Variants in AXIN1 observed in about 807,000 individuals in gnomAD.
The protein encoded by AXIN1 is axin-1.
A neutral mutation model predicts 76.4 loss-of-function variants in AXIN1; 30 were observed. The ratio of observed to expected loss-of-function variants is 0.39; its 90% confidence interval spans 0.29 to 0.53. The LOEUF is 0.53. Among genes scored for constraint, AXIN1 ranks in the 20% least tolerant of loss-of-function variants. AXIN1 has a pLI of 0.66. For synonymous variants in AXIN1, 545 were observed against 501.4 expected (o/e 1.09, Z -1.16); for missense variants, 1,140 against 1,198.8 (o/e 0.95, Z 0.72).
rs1434474086 is a variant in AXIN1, at chr16:346,247, T to C, written c.779A>G (p.Asp260Gly). 6.2e-7 allele frequency: 1 copy of C among 1,614,154 alleles called. No individual in the cohort carries two copies. Among genetic ancestry groups the C allele is most frequent in the East Asian group, 2.2e-5 (1 of 44,870 alleles). Residue 260 changes from aspartate (D) to glycine (G), a missense_variant, in exon 2 of 11, where the codon GAC becomes GGC. By Grantham distance (94) the Asp-to-Gly change is moderately conservative. Coordinates refer to ENST00000262320, the MANE Select transcript of AXIN1 (RefSeq NM_003502.4). ...AGGGAGTCTTCCGGGGGGAGCAGCG[T>C]CTCTGCCATCGTCCTCATCCATGTC... is the stretch of plus-strand genomic sequence containing the variant. Reference protein sequence around the residue: ...DQDMDEDDGRDAAPPGRLPQK... With the variant: ...DQDMDEDDGRGAAPPGRLPQK...
intron 4 of AXIN1, among the ~76,000 whole-genome samples, chr16:304,648 C>T (rs553224166): frequency 6.6e-6 from 1 of 152,286 alleles, no homozygotes; most frequent in African/African-American, 2.4e-5. Context: ...GATTCTCCTG[C>T]CTCGGTCTCC....
At chr16:310,872 C>A (rs1471042408) in intron 3 of AXIN1, among the ~76,000 whole-genome samples, 3 of 152,176 alleles carry the variant, frequency 2.0e-5, no homozygotes, top group Non-Finnish European at 4.4e-5. Flanking sequence ...GCTAAATGGA[C>A]CAAAAACATT....
At chr16:341,008 T>G (rs569927107) in intron 2 of AXIN1, among the ~76,000 whole-genome samples, 22 of 152,322 alleles carry the variant, frequency 1.4e-4, no homozygotes, top group African/African-American at 5.1e-4. Flanking sequence ...GCAGGCAAAG[T>G]AGCCTCCAGG....
chr16:293,126 C>A lies in AXIN1; in HGVS notation c.2186+362G>T, dbSNP rs2052614371. 2.8e-6 allele frequency: 1 copy of A among 360,896 alleles called. No individual in the cohort carries two copies. Among genetic ancestry groups the A allele is most frequent in the East Asian group, 5.2e-5 (1 of 19,296 alleles). The allele number at this position is 360,896 out of a possible 1,614,324, so 22.4% of individuals were successfully genotyped here. A position where few individuals can be genotyped will look rare whatever the true frequency, so the allele number is the denominator to read the frequency against. ...AGCCGCCATGCCTCCAGGACCTCTGCCCTAAAGCCCAGGCTGCCCAGCAGC... is the reference window on the plus strand; with the variant it reads ...AGCCGCCATGCCTCCAGGACCTCTGACCTAAAGCCCAGGCTGCCCAGCAGC... On this transcript the variant is annotated intron_variant, in intron 8 of 10. Coordinates refer to ENST00000262320, the MANE Select transcript of AXIN1 (RefSeq NM_003502.4). This position sits in a 1 kb window ranked among gnomAD's most constrained non-coding sequence, Gnocchi z 4.6.
rs994966382 is a variant in AXIN1 at position 338,697 on chromosome 16, C to T, written c.878+7451G>A. 5.3e-5 allele frequency among the ~76,000 whole-genome samples: 8 copies of T among 152,150 alleles called. 1 individual carries two copies. The highest frequency in any genetic ancestry group is 1.7e-4 in the African/African-American group (7 of 41,418). Reference sequence around the variant, plus strand: ...CAGCACTTTGGGAGGCCAAGGTGGGCGGACCACTTAAGGTCAAGATTTCGA... The same window carrying T: ...CAGCACTTTGGGAGGCCAAGGTGGGTGGACCACTTAAGGTCAAGATTTCGA... On this transcript the variant is annotated intron_variant, in intron 2 of 10. Transcript: ENST00000262320.
chr16:293,713 G>A lies in AXIN1; in HGVS notation c.1961C>T (p.Ser654Leu), dbSNP rs377025983. The A allele has an allele frequency of 2.4e-5, 39 of 1,613,068 alleles. No homozygotes were observed. The highest frequency in any genetic ancestry group is 3.0e-5 in the Non-Finnish European group (35 of 1,179,822). The change falls in exon 8 of 11, where the codon TCG (serine) becomes TTG (leucine). Residue 654 changes from serine (S) to leucine (L), a missense_variant. Coordinates refer to ENST00000262320, the MANE Select transcript of AXIN1 (RefSeq NM_003502.4). The surrounding 1 kb of genome is among the most constrained non-coding windows in gnomAD (Gnocchi z 4.6). ...ATGGGGCTGTGGCTTCCTCGTCCCC[G>A]AAGACCTTGGGGAACAAGAGAACAA... ...SRHRRTGHGS[S>L]GTRKPQPHEN...
chr16:289,761 G>A (rs1160038348), intron 9 of AXIN1, 154 bp from the exon 10 acceptor site: 3 of 896,380 alleles, frequency 3.3e-6, no homozygotes, highest in Admixed American at 4.5e-5. Context: ...CCCCCGCACA[G>A]CATCTCAATC....
At chr16:318,408 G>C (rs887095192) in intron 2 of AXIN1, among the ~76,000 whole-genome samples, 2 of 152,138 alleles carry the variant, frequency 1.3e-5, no homozygotes, top group African/African-American at 4.8e-5. Context: ...GAAAAGAAAA[G>C]GAAGAAGGGC....
chr16:298,988 C>G (rs1405513990), intron 5 of AXIN1: 2 of 767,558 alleles, frequency 2.6e-6, no homozygotes, highest in African/African-American at 3.8e-5. Flanking sequence ...AGGCTGGTCT[C>G]GAACTCCTGA....
At chr16:348,765 C>T (rs948659818) in intron 1 of AXIN1, among the ~76,000 whole-genome samples, 1 of 152,072 alleles carries the variant, frequency 6.6e-6, no homozygotes, top group African/African-American at 2.4e-5. Flanking sequence ...TCGCACCCCA[C>T]TGCACTCCAG....
At chr16:299,716 C>T (rs2052817019) in intron 5 of AXIN1, among the ~76,000 whole-genome samples, 2 of 151,696 alleles carry the variant, frequency 1.3e-5, no homozygotes, top group African/African-American at 2.4e-5. Flanking sequence ...AGTGCAGTGG[C>T]ACGATCTCGG....
rs570019977 is a variant in AXIN1 at position 288,320 on chromosome 16, C to G, written c.2463-72G>C. On this transcript the variant is annotated intron_variant, in intron 10 of 10. Transcript: ENST00000262320. ...TGGGAAGGAGGCCTGTGGCAGGGGACGGCGTGTCCACACCCCATCCCGAGG... is the reference window on the plus strand; with the variant it reads ...TGGGAAGGAGGCCTGTGGCAGGGGAGGGCGTGTCCACACCCCATCCCGAGG... The G allele has an allele frequency of 1.3e-5, 21 of 1,588,004 alleles. No individual in the cohort carries two copies. The Admixed American group carries it at 2.9e-4, about 22-fold the overall frequency.
At chr16:340,722 G>A (rs766484626) in intron 2 of AXIN1, among the ~76,000 whole-genome samples, 1 of 152,228 alleles carries the variant, frequency 6.6e-6, no homozygotes, top group Non-Finnish European at 1.5e-5. Context: ...AGCCAGGGAG[G>A]AACCCCATGA....
intron 4 of AXIN1, among the ~76,000 whole-genome samples, chr16:306,484 G>T (rs929248955): frequency 1.3e-5 from 2 of 152,208 alleles, no homozygotes; most frequent in East Asian, 3.9e-4. Context: ...CGTGTGTGTG[G>T]CCTTCCTGCC....
intron 2 of AXIN1, among the ~76,000 whole-genome samples, chr16:340,140 C>T (rs779434712): frequency 5.3e-5 from 8 of 152,116 alleles, no homozygotes; most frequent in East Asian, 1.9e-4. Context: ...CGGTTCCTCA[C>T]GCACCCCTGC....
chr16:339,979 C>G (rs2053883501), intron 2 of AXIN1, among the ~76,000 whole-genome samples: 2 of 152,204 alleles, frequency 1.3e-5, no homozygotes, highest in Admixed American at 6.5e-5. Context: ...ACATGGAAAC[C>G]CAAAACCACT....
chr16:289,726 C>A, intron 9 of AXIN1, 119 bp from the exon 10 acceptor site: 1 of 1,309,050 alleles, frequency 7.6e-7, no homozygotes, highest in Non-Finnish European at 1.1e-6. Context: ...GAGCAGCACC[C>A]CATTCAAACA....
rs2141458007 is a variant in AXIN1, at chr16:288,023, G to C, written c.*99C>G. The C allele has an allele frequency of 6.3e-7, 1 of 1,587,136 alleles. No individual in the cohort carries two copies. The highest frequency in any genetic ancestry group is 1.1e-5 in the South Asian group (1 of 90,452). On this transcript the variant is annotated 3_prime_UTR_variant, in exon 11 of 11. Transcript: ENST00000262320. ...AGGGATGGGTGGTACACCCAACACT[G>C]TTCCCCATCGGGCTCCTGAGTACGA...
At chr16:321,122 G>C (rs2053447942) in intron 2 of AXIN1, among the ~76,000 whole-genome samples, 1 of 152,118 alleles carries the variant, frequency 6.6e-6, no homozygotes, top group African/African-American at 2.4e-5. Context: ...GGTAGATCTG[G>C]CCCTGGGAAT....
Sources: allele counts gnomAD v4.1 joint callset (sites outside exome capture counted in the v4.1 genomes callset), GRCh38; gene constraint gnomAD v4.1.1; non-coding constraint Gnocchi (gnomAD v3.1); transcripts MANE v1.5; gene names NCBI Gene and HGNC (gene_info 2026-07-23, HGNC 2026-07-21).